Variants in IMMP2L observed in about 807,000 individuals in gnomAD.
IMMP2L encodes inner mitochondrial membrane peptidase subunit 2.
IMMP2L carries 18 observed loss-of-function variants against 19.3 expected under a neutral mutation model. The observed-to-expected ratio is 0.93, with a 90% CI of 0.64 to 1.38. IMMP2L has a LOEUF of 1.38. Among genes scored for constraint, IMMP2L ranks in the 40% most tolerant of loss-of-function variants. IMMP2L has a pLI of 0.00. For synonymous variants in IMMP2L, 76 were observed against 73.0 expected (o/e 1.04, Z -0.21); for missense variants, 233 against 218.2 (o/e 1.07, Z -0.43).
rs535747404 is a variant in IMMP2L at position 111,511,460 on chromosome 7, C to T, written c.135+9853G>A. Among the ~76,000 whole-genome samples the T allele has an allele frequency of 6.6e-5, 10 of 152,058 alleles. No homozygotes were observed. The South Asian group carries it at 2.1e-3, about 32-fold the overall frequency. On this transcript the variant is annotated intron_variant, in intron 2 of 5. Transcript: ENST00000405709. Reference sequence around the variant, plus strand: ...AGGAGTTTGAGACCAGCCTGGGCAACATGGTGAAACCCCATCTCTACCAAA... The same window carrying T: ...AGGAGTTTGAGACCAGCCTGGGCAATATGGTGAAACCCCATCTCTACCAAA...
At position 111,348,474 on chromosome 7, in the gene IMMP2L, G is replaced by A. The variant is rs954507736; in HGVS notation, c.239+138764C>T. 3.9e-5 allele frequency among the ~76,000 whole-genome samples: 6 copies of A among 152,024 alleles called. 1 individual carries two copies. The highest frequency in any genetic ancestry group is 3.4e-3 in the Middle Eastern group (1 of 294). On this transcript the variant is annotated intron_variant, in intron 3 of 5. Coordinates refer to ENST00000405709, the MANE Select transcript of IMMP2L (RefSeq NM_032549.4). ...ATGTTCATGTTTTCTTAAAAAGACT[G>A]AGCCAGTTTTCGGTCCATCTAACTA...
At chr7:111,306,352 A>G (rs1223472519) in intron 3 of IMMP2L, among the ~76,000 whole-genome samples, 1 of 152,116 alleles carries the variant, frequency 6.6e-6, no homozygotes, top group Non-Finnish European at 1.5e-5. Context: ...TAACAAATGT[A>G]CCAGTTTGGT....
chr7:110,918,210 A>C (rs1305475380), intron 4 of IMMP2L, among the ~76,000 whole-genome samples: 1 of 152,190 alleles, frequency 6.6e-6, no homozygotes, highest in African/African-American at 2.4e-5. Flanking sequence ...ACAGATTATG[A>C]AATTATTACC....
chr7:111,127,631 T>C (rs942129493), intron 3 of IMMP2L, among the ~76,000 whole-genome samples: 3 of 152,172 alleles, frequency 2.0e-5, no homozygotes, highest in Non-Finnish European at 4.4e-5. Flanking sequence ...TACCTCTTAA[T>C]CCTCACATAA....
At chr7:111,025,056 T>C (rs947591767) in intron 3 of IMMP2L, among the ~76,000 whole-genome samples, 2 of 152,182 alleles carry the variant, frequency 1.3e-5, no homozygotes, top group African/African-American at 4.8e-5. Context: ...CATCTATCTC[T>C]TTCATTCCTT....
intron 5 of IMMP2L, among the ~76,000 whole-genome samples, chr7:110,693,445 C>T (rs997223886): frequency 3.3e-5 from 5 of 152,174 alleles, no homozygotes; most frequent in Non-Finnish European, 7.4e-5. Context: ...CCAGGTGACA[C>T]ATTACACAAT....
chr7:111,501,903 A>C (rs1036856213), intron 2 of IMMP2L, among the ~76,000 whole-genome samples: 2 of 152,174 alleles, frequency 1.3e-5, no homozygotes, highest in Non-Finnish European at 1.5e-5. Flanking sequence ...GCTAGGAAGA[A>C]ACTGCATCAA....
chr7:111,458,381 G>GAA (rs111432225), intron 3 of IMMP2L, among the ~76,000 whole-genome samples: 2 of 142,638 alleles, frequency 1.4e-5, no homozygotes, highest in African/African-American at 5.1e-5. Flanking sequence ...ACCATCTCAA[G>GAA]AAAAAAAAAA....
intron 3 of IMMP2L, among the ~76,000 whole-genome samples, chr7:111,128,498 T>G (rs190631659): frequency 8.8e-4 from 134 of 152,330 alleles, no homozygotes; most frequent in African/African-American, 3.2e-3. Context: ...CTGCAGAAAC[T>G]AGCCTAATAG....
intron 1 of IMMP2L, among the ~76,000 whole-genome samples, chr7:111,541,682 T>C (rs1848515205): frequency 6.6e-6 from 1 of 152,134 alleles, no homozygotes; most frequent in South Asian, 2.1e-4. Context: ...GAAAATTCAG[T>C]AACAATTTTG....
chr7:111,043,118 C>A (rs981239270), intron 3 of IMMP2L, among the ~76,000 whole-genome samples: 4 of 152,164 alleles, frequency 2.6e-5, no homozygotes, highest in African/African-American at 9.7e-5. Context: ...TCCTGTAATT[C>A]CTAACAGTAG....
chr7:110,751,037 G>C (rs1797683885), intron 5 of IMMP2L, among the ~76,000 whole-genome samples: 1 of 151,936 alleles, frequency 6.6e-6, no homozygotes, highest in Non-Finnish European at 1.5e-5. Flanking sequence ...GTGAAAAGAA[G>C]ATAAACCTTT....
chr7:111,264,517 T>TG (rs1362014900), intron 3 of IMMP2L, among the ~76,000 whole-genome samples: 1 of 152,072 alleles, frequency 6.6e-6, no homozygotes, highest in African/African-American at 2.4e-5. Context: ...TTTTCTTTTT[T>TG]TTTAGGTTTT....
intron 3 of IMMP2L, among the ~76,000 whole-genome samples, chr7:111,177,535 A>T (rs1202333901): frequency 1.3e-5 from 2 of 152,008 alleles, no homozygotes; most frequent in Admixed American, 1.3e-4. Context: ...TCTTATAATG[A>T]TTAAACTTTG....
At chr7:111,337,620 A>G (rs1383158287) in intron 3 of IMMP2L, among the ~76,000 whole-genome samples, 1 of 151,988 alleles carries the variant, frequency 6.6e-6, no homozygotes, top group African/African-American at 2.4e-5. Flanking sequence ...TTAAACCTAG[A>G]GTGTCTTAGT....
intron 3 of IMMP2L, among the ~76,000 whole-genome samples, chr7:111,048,313 T>C (rs1263448072): frequency 1.3e-5 from 2 of 150,156 alleles, no homozygotes; most frequent in Non-Finnish European, 3.0e-5. Context: ...TCCCCTTTAC[T>C]AGTTTTGGTT....
At chr7:110,897,167 C>A (rs529681570) in intron 4 of IMMP2L, among the ~76,000 whole-genome samples, 1 of 151,924 alleles carries the variant, frequency 6.6e-6, no homozygotes, top group Non-Finnish European at 1.5e-5. Context: ...AAATAACATA[C>A]GAAAATACCT....
chr7:110,931,727 C>T (rs1045833717), intron 4 of IMMP2L, among the ~76,000 whole-genome samples: 3 of 152,206 alleles, frequency 2.0e-5, no homozygotes, highest in Admixed American at 6.5e-5. Context: ...TAAACCCTCT[C>T]GTGGCTTCCT....
At chr7:110,920,162 C>G (rs1458418189) in intron 4 of IMMP2L, among the ~76,000 whole-genome samples, 1 of 152,150 alleles carries the variant, frequency 6.6e-6, no homozygotes, top group Non-Finnish European at 1.5e-5. Flanking sequence ...TGCTCCTCAG[C>G]TTGCAGACAG....
Sources: allele counts gnomAD v4.1 joint callset (sites outside exome capture counted in the v4.1 genomes callset), GRCh38; gene constraint gnomAD v4.1.1; transcripts MANE v1.5; gene names NCBI Gene and HGNC (gene_info 2026-07-23, HGNC 2026-07-21).